CAMK2D: variants seen among roughly 807,000 people sequenced by gnomAD.
CAMK2D encodes the protein calcium/calmodulin dependent protein kinase II delta.
In CAMK2D, 37 loss-of-function variants were observed where a neutral mutation model predicts 84.0. The ratio of observed to expected loss-of-function variants is 0.44; its 90% CI spans 0.34 to 0.58. CAMK2D has a LOEUF of 0.58. CAMK2D is among the 20% of genes least tolerant of loss of function. CAMK2D has a pLI of 0.02. For missense variants in CAMK2D, 448 were observed against 652.5 expected (o/e 0.69, Z 3.41); for synonymous variants, 202 against 212.5 (o/e 0.95, Z 0.43).
rs190110482 is a variant in CAMK2D, at chr4:113,698,507, A to G, written c.161-36735T>C. On this transcript the variant is annotated intron_variant, in intron 2 of 20. Coordinates refer to ENST00000511664, the MANE Select transcript of CAMK2D (RefSeq NM_001321571.2). ...GTGTCTGGTCCATTGTAAGAACTCA[A>G]TAAAATGTTAGCTATCCTCATTATT... is the stretch of plus-strand genomic sequence containing the variant. Among the ~76,000 whole-genome samples, 3 of 152,272 alleles carry G rather than the reference A, an allele frequency of 2.0e-5. No individual in the cohort carries two copies. The East Asian group carries it at 5.8e-4, about 29-fold the overall frequency.
At chr4:113,500,766 C>T (rs1029712630) in intron 15 of CAMK2D, among the ~76,000 whole-genome samples, 4 of 151,926 alleles carry the variant, frequency 2.6e-5, no homozygotes, top group Admixed American at 6.6e-5. Context: ...GTAGAAGCAG[C>T]GGAAGTATGC....
intron 3 of CAMK2D, among the ~76,000 whole-genome samples, chr4:113,651,605 G>A (rs910271107): frequency 6.6e-6 from 1 of 152,136 alleles, no homozygotes; most frequent in African/African-American, 2.4e-5. Context: ...CTTATCTGAT[G>A]TAAGAATTCA....
intron 16 of CAMK2D, among the ~76,000 whole-genome samples, chr4:113,472,339 T>A (rs192829465): frequency 6.6e-6 from 1 of 152,172 alleles, no homozygotes; most frequent in African/African-American, 2.4e-5. Context: ...TGATAGCAGT[T>A]TGGATGTGGC....
chr4:113,543,457 G>A (rs2098545212), intron 6 of CAMK2D, among the ~76,000 whole-genome samples: 1 of 150,896 alleles, frequency 6.6e-6, no homozygotes, highest in Non-Finnish European at 1.5e-5. Context: ...CTGGCCTCAA[G>A]CAATCCTCTT....
intron 4 of CAMK2D, among the ~76,000 whole-genome samples, chr4:113,566,800 C>T (rs1325973921): frequency 1.3e-5 from 2 of 152,166 alleles, no homozygotes; most frequent in African/African-American, 4.8e-5. Context: ...GCAACCATTC[C>T]CGATCACCCT....
At chr4:113,531,423 G>A in intron 7 of CAMK2D, 124 bp from the exon 8 acceptor site, 1 of 659,216 alleles carries the variant, frequency 1.5e-6, no homozygotes, top group Non-Finnish European at 2.8e-6. Context: ...ACACAACAAG[G>A]TTCTCAGAGC....
intron 4 of CAMK2D, among the ~76,000 whole-genome samples, chr4:113,604,440 A>AT (rs1188452720): frequency 2.6e-5 from 4 of 152,072 alleles, no homozygotes; most frequent in African/African-American, 9.7e-5. Context: ...AATTTTTCTA[A>AT]TGCTTTATTG....
At chr4:113,500,156 A>C (rs1031369485) in intron 16 of CAMK2D, among the ~76,000 whole-genome samples, 1 of 152,128 alleles carries the variant, frequency 6.6e-6, no homozygotes, top group Non-Finnish European at 1.5e-5. Flanking sequence ...TTGACTGACA[A>C]ATTTACAATT....
intron 2 of CAMK2D, among the ~76,000 whole-genome samples, chr4:113,708,973 T>C (rs1593351936): frequency 6.6e-6 from 1 of 152,078 alleles, no homozygotes; most frequent in Non-Finnish European, 1.5e-5. Context: ...CTACCCACCT[T>C]GGCCTCCCAA....
At chr4:113,624,772 T>C (rs2099060779) in intron 3 of CAMK2D, among the ~76,000 whole-genome samples, 1 of 152,122 alleles carries the variant, frequency 6.6e-6, no homozygotes, top group South Asian at 2.1e-4. Context: ...AACCAAATCA[T>C]CTCTGGTGAA....
chr4:113,627,789 C>T (rs2099073981), intron 3 of CAMK2D, among the ~76,000 whole-genome samples: 1 of 152,136 alleles, frequency 6.6e-6, no homozygotes. Context: ...AAAGTGGGGC[C>T]TTATTAGACC....
chr4:113,637,223 C>A (rs533657087), intron 3 of CAMK2D, among the ~76,000 whole-genome samples: 1 of 152,206 alleles, frequency 6.6e-6, no homozygotes, highest in East Asian at 1.9e-4. Flanking sequence ...CACAGGTGTA[C>A]AGAAGAGTAC....
intron 4 of CAMK2D, among the ~76,000 whole-genome samples, chr4:113,566,159 A>C (rs1268051559): frequency 6.6e-6 from 1 of 152,214 alleles, no homozygotes. Flanking sequence ...GTAGCAAAAG[A>C]GACTGTTTTC....
intron 4 of CAMK2D, among the ~76,000 whole-genome samples, chr4:113,588,137 T>C (rs1283691264): frequency 6.6e-6 from 1 of 152,134 alleles, no homozygotes; most frequent in Non-Finnish European, 1.5e-5. Context: ...TCCATGTATA[T>C]ACGTTGCATG....
chr4:113,614,754 A>G (rs943687845), intron 3 of CAMK2D, among the ~76,000 whole-genome samples: 3 of 152,206 alleles, frequency 2.0e-5, no homozygotes, highest in African/African-American at 7.2e-5. Context: ...GTTACCTAAC[A>G]ATAGATAAAT....
intron 2 of CAMK2D, among the ~76,000 whole-genome samples, chr4:113,711,946 T>C (rs1157064915): frequency 1.3e-5 from 2 of 152,132 alleles, no homozygotes; most frequent in African/African-American, 4.8e-5. Flanking sequence ...AACACTGATC[T>C]CTTAAGTAGA....
At chr4:113,729,960 T>A (rs1451967758) in intron 2 of CAMK2D, among the ~76,000 whole-genome samples, 1 of 152,204 alleles carries the variant, frequency 6.6e-6, no homozygotes, top group East Asian at 1.9e-4. Flanking sequence ...CGCTGCTGTT[T>A]ATAAGCCACC....
intron 7 of CAMK2D, among the ~76,000 whole-genome samples, chr4:113,534,053 T>A (rs1352497351): frequency 5.9e-5 from 9 of 152,130 alleles, no homozygotes; most frequent in Non-Finnish European, 1.2e-4. Context: ...GTATTCCACA[T>A]AATGAAGAAA....
intron 7 of CAMK2D, among the ~76,000 whole-genome samples, chr4:113,534,456 C>CT (rs2098476972): frequency 6.6e-6 from 1 of 152,204 alleles, no homozygotes; most frequent in Non-Finnish European, 1.5e-5. Context: ...AGTTATTACT[C>CT]TAACAGGTAC....
Sources: gnomAD v4.1 joint callset for allele counts (sites outside exome capture counted in the v4.1 genomes callset) on GRCh38, gnomAD v4.1.1 for gene constraint, MANE v1.5 for transcripts, NCBI Gene and HGNC (gene_info 2026-07-23, HGNC 2026-07-21) for gene names.